Variants in LIN7C observed in about 807,000 individuals in gnomAD.
LIN7C encodes the protein protein lin-7 homolog C.
A neutral mutation model predicts 24.7 loss-of-function variants in LIN7C; 17 were observed. The ratio of observed to expected loss-of-function variants is 0.69; its 90% CI spans 0.47 to 1.03. The LOEUF (loss-of-function observed/expected upper bound fraction) is 1.03. Among genes scored for constraint, LIN7C ranks in the 50% least tolerant of loss-of-function variants. The pLI is 0.00. For missense variants in LIN7C, 204 were observed against 239.0 expected (o/e 0.85, Z 0.97); for synonymous variants, 90 against 83.4 (o/e 1.08, Z -0.43).
chr11:27,500,199 AAGG>A (rs1865210123), intron 3 of LIN7C, among the ~76,000 whole-genome samples: 2 of 152,094 alleles, frequency 1.3e-5, no homozygotes, highest in African/African-American at 4.8e-5. Context: ...TGTACATGGT[AAGG>A]AGGAAAACCC....
intron 1 of LIN7C, among the ~76,000 whole-genome samples, chr11:27,506,352 G>T (rs1461767861): frequency 6.6e-6 from 1 of 152,214 alleles, no homozygotes. Context: ...GGCAATGAGT[G>T]TAGTCTGTGC....
At position 27,498,811 on chromosome 11, in the gene LIN7C, G is replaced by C. The variant is rs937506764; in HGVS notation, c.439-7C>G. 1 of 1,569,118 alleles carries C rather than the reference G, an allele frequency of 6.4e-7. No homozygotes were observed. The highest frequency in any genetic ancestry group is 8.7e-7 in the Non-Finnish European group (1 of 1,154,400). On this transcript the variant is annotated splice_polypyrimidine_tract_variant and splice_region_variant and intron_variant, in intron 4 of 4. Transcript: ENST00000278193. Reference sequence around the variant, plus strand: ...GATGTTCTCCTTCAACACTCTAGGGGAAAAAAAAACAACCAACCATACACT... The same window carrying C: ...GATGTTCTCCTTCAACACTCTAGGGCAAAAAAAAACAACCAACCATACACT...
At chr11:27,503,212 C>G (rs1865242327) in intron 1 of LIN7C, among the ~76,000 whole-genome samples, 1 of 152,172 alleles carries the variant, frequency 6.6e-6, no homozygotes, top group South Asian at 2.1e-4. Context: ...TTAGGGAATT[C>G]TCACTGAGAA....
At chr11:27,501,757 C>G in intron 2 of LIN7C, 45 bp downstream of exon 2, 1 of 1,237,866 alleles carries the variant, frequency 8.1e-7, no homozygotes, top group Non-Finnish European at 1.2e-6. Flanking sequence ...TATTATCTGA[C>G]CTAATTAACT....
At chr11:27,506,612 G>T in intron 1 of LIN7C, 104 bp downstream of exon 1, 1 of 1,333,774 alleles carries the variant, frequency 7.5e-7, no homozygotes, top group Non-Finnish European at 1.1e-6. Flanking sequence ...ACAAGGGACA[G>T]CGTGGCCCGG....
rs1024102698 is a variant in LIN7C at position 27,495,850 on chromosome 11, C to G, written c.*2799G>C. 5 of 151,976 alleles carry G rather than the reference C, an allele frequency of 3.3e-5. No individual in the cohort carries two copies. The highest frequency in any genetic ancestry group is 7.3e-5 in the Non-Finnish European group (5 of 68,030). The allele number at this position is 151,976 out of a possible 1,614,324, so 9.4% of individuals were successfully genotyped here. On this transcript the variant is annotated 3_prime_UTR_variant, in exon 5 of 5. Transcript: ENST00000278193. ...TTACTTGGCCAGGTGCAGTGGCTCACGCCTATAATCCTAATGCTTTGGGAG... is the reference window on the plus strand; with the variant it reads ...TTACTTGGCCAGGTGCAGTGGCTCAGGCCTATAATCCTAATGCTTTGGGAG...
Position 27,499,408 on chromosome 11 carries a change from C to CT in LIN7C, c.388dup (p.Arg130LysfsTer15). ...ATCTCCACGTTTGAGGCCCCCATGT[C>CT]TATCAGCAATTCCACCTGGAATTAT... On this transcript the variant is annotated frameshift_variant, in exon 4 of 5. Coordinates refer to ENST00000278193, the MANE Select transcript of LIN7C (RefSeq NM_018362.4). LOFTEE classifies it high-confidence loss of function. The CT allele has an allele frequency of 6.2e-7, 1 of 1,614,086 alleles. No individual in the cohort carries two copies. The highest frequency in any genetic ancestry group is 8.5e-7 in the Non-Finnish European group (1 of 1,180,008).
At chr11:27,503,630 C>T (rs1865246150) in intron 1 of LIN7C, among the ~76,000 whole-genome samples, 1 of 152,074 alleles carries the variant, frequency 6.6e-6, no homozygotes, top group Admixed American at 6.5e-5. Flanking sequence ...TCTCCTGCCT[C>T]AGCCTCCTGA....
chr11:27,502,068 G>A, intron 1 of LIN7C, 148 bp from the exon 2 acceptor site: 2 of 582,978 alleles, frequency 3.4e-6, no homozygotes, highest in Non-Finnish European at 6.1e-6. Flanking sequence ...ACATTTGGTG[G>A]GAAGGAGACT....
At chr11:27,505,443 C>T (rs887219139) in intron 1 of LIN7C, among the ~76,000 whole-genome samples, 1 of 152,242 alleles carries the variant, frequency 6.6e-6, no homozygotes, top group Non-Finnish European at 1.5e-5. Context: ...ATCTATAAAA[C>T]ACAGTGCCAC....
In LIN7C at chr11:27,499,346, AATTC is replaced by A. The variant is rs780393707; in HGVS notation, c.438+9_438+12del. 1.2e-5 allele frequency: 19 copies of A among 1,610,278 alleles called. No individual in the cohort carries two copies. In the African/African-American group the frequency reaches 2.0e-4, roughly 17 times the overall value. The stretch of plus-strand genomic sequence containing the variant: ...AACAGATCACTACAAATAGAAATAA[AATTC>A]ATCCTTACCACTCCATTAACAGAGA... On this transcript the variant is annotated intron_variant, in intron 4 of 4. Coordinates refer to ENST00000278193, the MANE Select transcript of LIN7C (RefSeq NM_018362.4).
In LIN7C at chr11:27,495,605, A is replaced by C. The variant is rs754539144; in HGVS notation, c.*3044T>G. The C allele has an allele frequency of 6.6e-6, 1 of 152,074 alleles. No individual in the cohort carries two copies. Among genetic ancestry groups the C allele is most frequent in the Non-Finnish European group, 1.5e-5 (1 of 68,030 alleles). The allele number at this position is 152,074 out of a possible 1,614,324, so 9.4% of individuals were successfully genotyped here. A position where few individuals can be genotyped will look rare whatever the true frequency, so the allele number is the denominator to read the frequency against. On this transcript the variant is annotated 3_prime_UTR_variant, in exon 5 of 5. Coordinates refer to ENST00000278193, the MANE Select transcript of LIN7C (RefSeq NM_018362.4). Reference sequence around the variant, plus strand: ...AGACAGTACATAATTATTAACGACAATATTTCTCATCTGCAATTTTTAAAC... The same window carrying C: ...AGACAGTACATAATTATTAACGACACTATTTCTCATCTGCAATTTTTAAAC...
chr11:27,501,362 A>T, intron 3 of LIN7C, 133 bp downstream of exon 3: 1 of 634,262 alleles, frequency 1.6e-6, no homozygotes, highest in Non-Finnish European at 2.7e-6. Context: ...ATTTCTTAGT[A>T]CTTGAGAAAT....
rs373999552 is a variant in LIN7C, at chr11:27,499,542, A to G, written c.255T>C (p.Ser85=). ...AKATVAAFAA[S]EGHSHPRVVE... is the part of the protein sequence containing the mutation. The stretch of plus-strand genomic sequence containing the variant: ...CAACTCGAGGATGAGAATGTCCTTC[A>G]CTGGCAGCAAATGCAGCAACAGTAG... The change falls in exon 4 of 5, where the codon AGT becomes AGC. Residue 85 remains serine, a synonymous_variant. Coordinates refer to ENST00000278193, the MANE Select transcript of LIN7C (RefSeq NM_018362.4). 1.7e-5 allele frequency: 28 copies of G among 1,614,012 alleles called. No individual in the cohort carries two copies. In the African/African-American group the frequency reaches 3.5e-4, roughly 20 times the overall value.
chr11:27,496,365 T>C lies in LIN7C; in HGVS notation c.*2284A>G, dbSNP rs1357053913. ...AAACATCTATCATACACTTACTATG[T>C]ACCTAGTTTTATTCACGAATCATCC... On this transcript the variant is annotated 3_prime_UTR_variant, in exon 5 of 5. Coordinates refer to ENST00000278193, the MANE Select transcript of LIN7C (RefSeq NM_018362.4). 1 of 152,226 alleles carries C rather than the reference T, an allele frequency of 6.6e-6. No individual in the cohort carries two copies. The highest frequency in any genetic ancestry group is 1.5e-5 in the Non-Finnish European group (1 of 68,036). The allele number at this position is 152,226 out of a possible 1,614,324, so 9.4% of individuals were successfully genotyped here.
At chr11:27,504,742 A>G (rs191718524) in intron 1 of LIN7C, among the ~76,000 whole-genome samples, 184 of 152,338 alleles carry the variant, frequency 1.2e-3, no homozygotes, top group African/African-American at 3.1e-3. Flanking sequence ...TCTCTAGATT[A>G]CTTACAATAT....
intron 1 of LIN7C, among the ~76,000 whole-genome samples, chr11:27,503,942 C>T (rs970024052): frequency 1.6e-4 from 25 of 151,846 alleles, no homozygotes; most frequent in African/African-American, 6.0e-4. Context: ...CTCAGTCTCC[C>T]GAGTAGCTGG....
chr11:27,505,714 G>A (rs1047360113), intron 1 of LIN7C, among the ~76,000 whole-genome samples: 1 of 152,166 alleles, frequency 6.6e-6, no homozygotes, highest in African/African-American at 2.4e-5. Flanking sequence ...GTAATATTTA[G>A]ACTAATTGCA....
At position 27,495,375 on chromosome 11, in the gene LIN7C, G is replaced by A. The variant is rs1590437645; in HGVS notation, c.*3274C>T. 6.6e-6 allele frequency: 1 copy of A among 152,318 alleles called. No homozygotes were observed. The highest frequency in any genetic ancestry group is 6.5e-5 in the Admixed American group (1 of 15,278). The allele number at this position is 152,318 out of a possible 1,614,324, so 9.4% of individuals were successfully genotyped here. A position where few individuals can be genotyped will look rare whatever the true frequency, so the allele number is the denominator to read the frequency against. On this transcript the variant is annotated 3_prime_UTR_variant, in exon 5 of 5. Coordinates refer to ENST00000278193, the MANE Select transcript of LIN7C (RefSeq NM_018362.4). ...CCTAGCTACTCGGGAGGCTGAGGCA[G>A]GAGAATTGCTTGAACTGCCTTGAGG...
Sources: gnomAD v4.1 joint callset for allele counts (sites outside exome capture counted in the v4.1 genomes callset) on GRCh38, gnomAD v4.1.1 for gene constraint, MANE v1.5 for transcripts, NCBI Gene and HGNC (gene_info 2026-07-23, HGNC 2026-07-21) for gene names.